The following PITPNB variants were observed in gnomAD, a reference collection of about 807,000 sequenced individuals.
PITPNB encodes the protein phosphatidylinositol transfer protein beta, also known as phosphatidylinositol transfer protein beta isoform.
A neutral mutation model predicts 45.9 loss-of-function variants in PITPNB; 16 were observed. The ratio of observed to expected loss-of-function variants is 0.35; its 90% CI spans 0.24 to 0.53. PITPNB has a LOEUF of 0.53. Among genes scored for constraint, PITPNB ranks in the 20% least tolerant of loss-of-function variants. PITPNB has a pLI of 0.93. For missense variants in PITPNB, 188 were observed against 330.5 expected, an observed-to-expected ratio of 0.57 and a Z score of 3.34; for synonymous variants, 112 against 108.9, an observed-to-expected ratio of 1.03 and a Z score of -0.18.
At chr22:27,860,932 A>AAT (rs1177355440) in intron 8 of PITPNB, among the ~76,000 whole-genome samples, 1 of 151,560 alleles carries the variant, frequency 6.6e-6, no homozygotes, top group Admixed American at 6.6e-5. Flanking sequence ...TCATGCCTGT[A>AAT]ATCCCAGAGC....
At chr22:27,918,634 G>T (rs1399926485) in intron 1 of PITPNB, among the ~76,000 whole-genome samples, 1 of 152,230 alleles carries the variant, frequency 6.6e-6, no homozygotes, top group African/African-American at 2.4e-5. Flanking sequence ...GGAGAGCGGA[G>T]GCTTTCCGGA....
At chr22:27,897,104 T>C (rs1435963264) in intron 5 of PITPNB, 26 bp downstream of exon 5, 4 of 1,498,838 alleles carry the variant, frequency 2.7e-6, no homozygotes, top group South Asian at 1.1e-5. Context: ...AAAGAAAGTA[T>C]GAGACACAAA....
intron 8 of PITPNB, 80 bp from the exon 9 acceptor site, chr22:27,860,321 A>T (rs1391526286): frequency 8.0e-6 from 6 of 749,228 alleles, no homozygotes; most frequent in Non-Finnish European, 1.3e-5. Context: ...GTATAACGAC[A>T]TCATAGACAT....
chr22:27,908,934 G>T (rs117913709), intron 3 of PITPNB, among the ~76,000 whole-genome samples: 128 of 152,236 alleles, frequency 8.4e-4, no homozygotes, highest in Non-Finnish European at 1.6e-3. Flanking sequence ...GTTCTATAAA[G>T]AGATAAGATT....
intron 8 of PITPNB, among the ~76,000 whole-genome samples, chr22:27,872,151 T>C (rs766012257): frequency 4.0e-5 from 5 of 126,364 alleles, no homozygotes; most frequent in Non-Finnish European, 6.3e-5. Context: ...TGGAGTGCAA[T>C]GGTGCAATCT....
chr22:27,901,752 C>T lies in PITPNB; in HGVS notation c.198-3860G>A, dbSNP rs147229350. 9.7e-3 allele frequency among the ~76,000 whole-genome samples: 1,470 copies of T among 152,076 alleles called. 29 individuals carry two copies. Among genetic ancestry groups the T allele is most frequent in the African/African-American group, 0.034 (1,406 of 41,474 alleles). On this transcript the variant is annotated intron_variant, in intron 3 of 11. Transcript: ENST00000335272. ...CACAAAAATTAGCTGGACATGGTGGCGGGTGCCTACAATCCCAGCCACTTG... is the reference window on the plus strand; with the variant it reads ...CACAAAAATTAGCTGGACATGGTGGTGGGTGCCTACAATCCCAGCCACTTG...
intron 7 of PITPNB, among the ~76,000 whole-genome samples, chr22:27,887,917 C>G (rs1266522063): frequency 6.6e-6 from 1 of 152,136 alleles, no homozygotes; most frequent in Admixed American, 6.5e-5. Flanking sequence ...ATGTAGTGAT[C>G]TCTTATGCAG....
At chr22:27,877,432 AAATAT>A (rs1258024946) in intron 7 of PITPNB, among the ~76,000 whole-genome samples, 2 of 152,210 alleles carry the variant, frequency 1.3e-5, no homozygotes, top group African/African-American at 4.8e-5. Context: ...GAACAAAACA[AAATAT>A]AATATGGTAA....
At chr22:27,892,274 G>A (rs1485054811) in intron 7 of PITPNB, among the ~76,000 whole-genome samples, 2 of 152,172 alleles carry the variant, frequency 1.3e-5, no homozygotes, top group African/African-American at 4.8e-5. Context: ...TGTGCAATCT[G>A]CCCTTACTCT....
chr22:27,897,862 A>G lies in PITPNB; in HGVS notation c.228T>C (p.Ala76=). 2 of 1,613,858 alleles carry G rather than the reference A, an allele frequency of 1.2e-6. No homozygotes were observed. Among genetic ancestry groups the G allele is most frequent in the Middle Eastern group, 1.6e-4 (1 of 6,062 alleles). Residue 76 remains alanine (A), a synonymous_variant, in exon 4 of 12, where the codon GCT becomes GCC. Transcript: ENST00000335272. ...CATGAAACACCAAGGAGCCCTCGGGAGCAATCATCCTCACGAATGCAGGCA... is the reference window on the plus strand; with the variant it reads ...CATGAAACACCAAGGAGCCCTCGGGGGCAATCATCCTCACGAATGCAGGCA... ...SKVPAFVRMI[A]PEGSLVFHEK... is the part of the protein sequence containing the mutation.
At chr22:27,887,360 T>A (rs188039297) in intron 7 of PITPNB, among the ~76,000 whole-genome samples, 1 of 152,244 alleles carries the variant, frequency 6.6e-6, no homozygotes, top group African/African-American at 2.4e-5. Flanking sequence ...TGAAAGGGGA[T>A]CATTCCCTGT....
At chr22:27,897,074 G>A in intron 5 of PITPNB, 56 bp downstream of exon 5, 1 of 1,243,084 alleles carries the variant, frequency 8.0e-7, no homozygotes, top group African/African-American at 1.5e-5. Flanking sequence ...TAATTACTGT[G>A]TAAAACAAAG....
At chr22:27,904,880 G>A (rs1345816538) in intron 3 of PITPNB, among the ~76,000 whole-genome samples, 1 of 152,048 alleles carries the variant, frequency 6.6e-6, no homozygotes, top group Non-Finnish European at 1.5e-5. Context: ...TAAAGTCCTG[G>A]AGAATTACAA....
At chr22:27,900,741 T>C (rs1214734299) in intron 3 of PITPNB, among the ~76,000 whole-genome samples, 1 of 152,204 alleles carries the variant, frequency 6.6e-6, no homozygotes, top group Non-Finnish European at 1.5e-5. Context: ...AACATGGTAG[T>C]TCAAGTGTGC....
intron 8 of PITPNB, among the ~76,000 whole-genome samples, chr22:27,870,172 A>G (rs892058385): frequency 1.3e-5 from 2 of 152,186 alleles, no homozygotes; most frequent in African/African-American, 4.8e-5. Context: ...TGTTTCTCCT[A>G]CAACTATTAC....
intron 7 of PITPNB, among the ~76,000 whole-genome samples, chr22:27,877,033 G>A (rs1369909862): frequency 6.6e-6 from 1 of 152,188 alleles, no homozygotes; most frequent in African/African-American, 2.4e-5. Context: ...TCTGAAGGCT[G>A]AATTTGCTAT....
At position 27,860,209 on chromosome 22, in the gene PITPNB, C is replaced by T. The variant is rs1401236793; in HGVS notation, c.567G>A (p.Gln189=). The T allele has an allele frequency of 6.2e-7, 1 of 1,613,642 alleles. No individual in the cohort carries two copies. The highest frequency in any genetic ancestry group is 8.5e-7 in the Non-Finnish European group (1 of 1,179,632). ...TGGTCACCAGCTTATAGGCACACATCTGGGGACAGTCAGGGCTGTTTGCCA... is the reference window on the plus strand; with the variant it reads ...TGGTCACCAGCTTATAGGCACACATTTGGGGACAGTCAGGGCTGTTTGCCA... ...KELANSPDCP[Q]MCAYKLVTIK... The change falls in exon 9 of 12, where the codon CAG becomes CAA. Residue 189 remains glutamine, a synonymous_variant. Coordinates refer to ENST00000335272, the MANE Select transcript of PITPNB (RefSeq NM_012399.5).
chr22:27,899,472 G>A (rs145189883), intron 3 of PITPNB, among the ~76,000 whole-genome samples: 10,166 of 152,090 alleles, frequency 0.067, 471 homozygotes, highest in Admixed American at 0.14. Context: ...ACAGGCGCCC[G>A]CCACTAGGCC....
At chr22:27,866,383 G>A (rs1934485406) in intron 8 of PITPNB, among the ~76,000 whole-genome samples, 1 of 152,168 alleles carries the variant, frequency 6.6e-6, no homozygotes, top group African/African-American at 2.4e-5. Context: ...GTATGTGGAT[G>A]AGGTCTTAGG....
Sources: allele counts gnomAD v4.1 joint callset (sites outside exome capture counted in the v4.1 genomes callset), GRCh38; gene constraint gnomAD v4.1.1; transcripts MANE v1.5; gene names NCBI Gene and HGNC (gene_info 2026-07-23, HGNC 2026-07-21).